Variants in H2AZ2 observed in about 807,000 individuals in gnomAD.
H2AZ2 encodes the protein H2A.Z variant histone 2.
Under a neutral mutation model 15.5 loss-of-function variants are expected in H2AZ2, and 5 were observed. The observed-to-expected ratio is 0.32, with a 90% CI of 0.17 to 0.68. H2AZ2 has a LOEUF of 0.68. Ranked by LOEUF, H2AZ2 falls within the 30% of genes least tolerant of loss-of-function variation. H2AZ2 has a pLI of 0.72. For missense variants in H2AZ2, 42 were observed against 162.5 expected, an observed-to-expected ratio of 0.26 and a Z score of 4.03; for synonymous variants, 44 against 57.4, an observed-to-expected ratio of 0.77 and a Z score of 1.05.
intron 4 of H2AZ2, 195 bp downstream of exon 4, chr7:44,835,334 C>G (rs1050307728): frequency 6.8e-6 from 3 of 443,804 alleles, no homozygotes; most frequent in African/African-American, 6.0e-5. Context: ...ATAAAAATAG[C>G]ATTACATATG....
downstream of H2AZ2, among the ~76,000 whole-genome samples, chr7:44,831,150 G>A (rs1037314666): frequency 6.6e-6 from 1 of 152,122 alleles, no homozygotes; most frequent in Non-Finnish European, 1.5e-5. Context: ...CTGGGCGACA[G>A]AGTAATACTT....
intron 2 of H2AZ2, among the ~76,000 whole-genome samples, 177 bp from the exon 3 acceptor site, chr7:44,841,189 T>A (rs1470110032): frequency 6.6e-6 from 1 of 152,212 alleles, no homozygotes; most frequent in African/African-American, 2.4e-5. Context: ...TGGTAATCTG[T>A]CCAAAATCTT....
At chr7:44,827,333 C>CT (rs2053847583), downstream of H2AZ2, 1 of 152,220 alleles carries the variant, frequency 6.6e-6, no homozygotes, top group African/African-American at 2.4e-5. Flanking sequence ...ACTCTACAGA[C>CT]TATCAGCATC....
chr7:44,838,437 G>A (rs190584453), intron 3 of H2AZ2, among the ~76,000 whole-genome samples: 98 of 152,118 alleles, frequency 6.4e-4, no homozygotes, highest in African/African-American at 2.2e-3. Context: ...GATCATTTGA[G>A]GTCAGGAGTT....
At chr7:44,846,072 CAGAG>C (rs1277065817) in intron 1 of H2AZ2, among the ~76,000 whole-genome samples, 1,591 of 84,778 alleles carry the variant, frequency 0.019, 30 homozygotes, top group African/African-American at 0.055. Context: ...CAGAGAGAGA[CAGAG>C]AGAGAGAGAG....
intron 3 of H2AZ2, among the ~76,000 whole-genome samples, chr7:44,840,240 C>T (rs1030972258): frequency 2.4e-4 from 36 of 151,856 alleles, no homozygotes; most frequent in Non-Finnish European, 4.4e-4. Flanking sequence ...CTGGCCCTTG[C>T]TTAACTTTTA....
chr7:44,833,832 TATA>T lies in H2AZ2; in HGVS notation c.*666_*668del, dbSNP rs1481030786. 1 of 369,014 alleles carries T rather than the reference TATA, an allele frequency of 2.7e-6. No homozygotes were observed. The highest frequency in any genetic ancestry group is 3.7e-6 in the Non-Finnish European group (1 of 266,790). The allele number at this position is 369,014 out of a possible 1,614,324, so 22.9% of individuals were successfully genotyped here. ...TTCTGTGACCCTTAGGCTCCACATC[TATA>T]ATGTGGCAGCAACAACTTTCTTGGT... On this transcript the variant is annotated 3_prime_UTR_variant, in exon 5 of 5. Transcript: ENST00000308153.
intron 4 of H2AZ2, chr7:44,835,297 T>C: frequency 2.3e-6 from 1 of 435,230 alleles, no homozygotes; most frequent in East Asian, 3.3e-5. Context: ...AAGTATCATA[T>C]GAAATTTAGA....
rs10573522 is a variant in H2AZ2, at chr7:44,846,024, T to TAC, written c.3+1943_3+1944dup. Among the ~76,000 whole-genome samples the TAC allele has an allele frequency of 3.5e-3, 471 of 132,836 alleles. 3 individuals are homozygous for TAC. Among genetic ancestry groups the TAC allele is most frequent in the African/African-American group, 9.7e-3 (360 of 37,114 alleles). 87.1% of individuals were successfully genotyped at this position (132,836 alleles called of 152,430 possible). On this transcript the variant is annotated intron_variant, in intron 1 of 4. Coordinates refer to ENST00000308153, the MANE Select transcript of H2AZ2 (RefSeq NM_012412.5). ...GTTAAGGTTGTTGGTTTTAAAAAAT[T>TAC]ACACACACACACACACACACACACA...
chr7:44,838,465 A>G (rs572300518), intron 3 of H2AZ2, among the ~76,000 whole-genome samples: 72 of 152,090 alleles, frequency 4.7e-4, no homozygotes, highest in Non-Finnish European at 7.9e-4. Flanking sequence ...AGCCTGGCCA[A>G]CATGGCAAAA....
In H2AZ2 at chr7:44,833,272, C is replaced by T. The variant is rs1269744464; in HGVS notation, c.*1229G>A. ...GTTTTGAGAGGGAGTCTTGCTCAGT[C>T]GCCAAGCTGGAGTGCAGTGGCGCCA... On this transcript the variant is annotated 3_prime_UTR_variant, in exon 5 of 5. Coordinates refer to ENST00000308153, the MANE Select transcript of H2AZ2 (RefSeq NM_012412.5). Among the ~76,000 whole-genome samples the T allele has an allele frequency of 1.3e-5, 2 of 151,950 alleles. No homozygotes were observed. The highest frequency in any genetic ancestry group is 2.9e-5 in the Non-Finnish European group (2 of 67,992).
At chr7:44,846,062 C>CACAGAGAGAG (rs57468916) in intron 1 of H2AZ2, among the ~76,000 whole-genome samples, 40 of 75,140 alleles carry the variant, frequency 5.3e-4, no homozygotes, top group Admixed American at 1.7e-3. Context: ...CACACACACA[C>CACAGAGAGAG]AGAGAGAGAC....
At chr7:44,841,717 C>G (rs1226627375) in intron 2 of H2AZ2, among the ~76,000 whole-genome samples, 1 of 152,158 alleles carries the variant, frequency 6.6e-6, no homozygotes. Flanking sequence ...GATCTGTCCA[C>G]CTTAGCCTCC....
chr7:44,836,715 G>C (rs960288863), intron 3 of H2AZ2, among the ~76,000 whole-genome samples: 1 of 151,836 alleles, frequency 6.6e-6, no homozygotes, highest in Non-Finnish European at 1.5e-5. Flanking sequence ...ATGGGGTTTC[G>C]GCTAGGCGCG....
chr7:44,827,104 AAAAGTGTGG>A (rs1386593390), downstream of H2AZ2: 2 of 152,206 alleles, frequency 1.3e-5, no homozygotes, highest in Admixed American at 6.5e-5. Flanking sequence ...ATCTGCGAAA[AAAAGTGTGG>A]GAATCACCTC....
intron 3 of H2AZ2, among the ~76,000 whole-genome samples, chr7:44,835,874 C>T (rs1027958354): frequency 1.3e-5 from 2 of 151,896 alleles, no homozygotes; most frequent in African/African-American, 4.8e-5. Flanking sequence ...GAGCAAAAAC[C>T]CACTTCTATA....
intron 1 of H2AZ2, 24 bp from the exon 2 acceptor site, chr7:44,843,378 T>G: frequency 6.4e-7 from 1 of 1,556,360 alleles, no homozygotes; most frequent in South Asian, 1.1e-5. Context: ...AAAATTTTTT[T>G]GAATGAAAAG....
downstream of H2AZ2, among the ~76,000 whole-genome samples, chr7:44,830,478 A>G (rs1792984943): frequency 6.6e-6 from 1 of 152,210 alleles, no homozygotes; most frequent in South Asian, 2.1e-4. Context: ...GCAATTCTTC[A>G]TTCTCAAGAC....
intron 4 of H2AZ2, 51 bp downstream of exon 4, chr7:44,835,478 A>T (rs940325368): frequency 2.0e-6 from 3 of 1,516,306 alleles, no homozygotes; most frequent in Non-Finnish European, 9.1e-7. Flanking sequence ...TCTGAACGAT[A>T]TATTAGTCAG....
Sources: allele counts gnomAD v4.1 joint callset (sites outside exome capture counted in the v4.1 genomes callset), GRCh38; gene constraint gnomAD v4.1.1; transcripts MANE v1.5; gene names NCBI Gene and HGNC (gene_info 2026-07-23, HGNC 2026-07-21).